The following ATP8A1 variants were observed in gnomAD, a reference collection of about 807,000 sequenced individuals.
ATP8A1 encodes ATPase phospholipid transporting 8A1, also known as phospholipid-transporting ATPase IA.
In ATP8A1, 90 loss-of-function variants were observed where a neutral mutation model predicts 177.7. That is an observed-to-expected ratio of 0.51 (90% CI 0.43 to 0.60). ATP8A1 has a LOEUF of 0.60. Among genes scored for constraint, ATP8A1 ranks in the 20% least tolerant of loss-of-function variants. The pLI is 0.00. For missense variants in ATP8A1, 1,072 were observed against 1,392.8 expected (o/e 0.77, Z 3.67); for synonymous variants, 493 against 485.9 (o/e 1.01, Z -0.19).
intron 1 of ATP8A1, among the ~76,000 whole-genome samples, chr4:42,640,559 C>T (rs1739870658): frequency 6.6e-6 from 1 of 152,184 alleles, no homozygotes; most frequent in African/African-American, 2.4e-5. Flanking sequence ...CCCTCAGCAT[C>T]TGGATTTCAA....
chr4:42,547,448 T>C (rs759566292), intron 19 of ATP8A1, among the ~76,000 whole-genome samples: 1 of 151,856 alleles, frequency 6.6e-6, no homozygotes, highest in Non-Finnish European at 1.5e-5. Context: ...ACCTTCATCA[T>C]TGAGTCCTGA....
chr4:42,577,815 GTGAT>G (rs537314726), intron 12 of ATP8A1, among the ~76,000 whole-genome samples: 91 of 152,236 alleles, frequency 6.0e-4, no homozygotes, highest in African/African-American at 1.8e-3. Context: ...TATTTGTATA[GTGAT>G]TGATTATTTT....
intron 25 of ATP8A1, among the ~76,000 whole-genome samples, chr4:42,482,205 G>A (rs1252616369): frequency 1.3e-5 from 2 of 151,582 alleles, no homozygotes; most frequent in African/African-American, 4.9e-5. Flanking sequence ...CGGGAGCTGA[G>A]GCACAAGAAT....
At chr4:42,537,139 A>C (rs1727916654) in intron 20 of ATP8A1, among the ~76,000 whole-genome samples, 1 of 144,172 alleles carries the variant, frequency 6.9e-6, no homozygotes, top group Non-Finnish European at 1.5e-5. Flanking sequence ...TCTCAAAAAA[A>C]AAAAAAACAA....
intron 33 of ATP8A1, among the ~76,000 whole-genome samples, chr4:42,437,770 A>T (rs1332017157): frequency 6.6e-6 from 1 of 152,202 alleles, no homozygotes; most frequent in African/African-American, 2.4e-5. Context: ...CCAAATGAGA[A>T]CACCCTGCCC....
At chr4:42,443,409 A>G (rs1222296287) in intron 33 of ATP8A1, among the ~76,000 whole-genome samples, 156 bp downstream of exon 33, 1 of 152,264 alleles carries the variant, frequency 6.6e-6, no homozygotes, top group East Asian at 1.9e-4. Context: ...AAGATTAATC[A>G]CTCGAAACTG....
chr4:42,527,535 C>T (rs1251729511), intron 20 of ATP8A1, among the ~76,000 whole-genome samples: 1 of 152,144 alleles, frequency 6.6e-6, no homozygotes, highest in Non-Finnish European at 1.5e-5. Context: ...GAGGTAACAA[C>T]GATGGCCTCC....
At chr4:42,420,914 G>A (rs1045907457) in intron 35 of ATP8A1, among the ~76,000 whole-genome samples, 3 of 151,848 alleles carry the variant, frequency 2.0e-5, no homozygotes, top group East Asian at 1.9e-4. Context: ...GACTACAGGC[G>A]CCCGCCACCA....
At chr4:42,422,316 T>A (rs1489828096) in intron 35 of ATP8A1, among the ~76,000 whole-genome samples, 2 of 152,132 alleles carry the variant, frequency 1.3e-5, no homozygotes, top group Non-Finnish European at 2.9e-5. Context: ...GGTCTCGAAC[T>A]CCTGACCTTG....
intron 27 of ATP8A1, among the ~76,000 whole-genome samples, chr4:42,461,742 G>A (rs1258480767): frequency 1.3e-5 from 2 of 152,194 alleles, no homozygotes; most frequent in African/African-American, 2.4e-5. Flanking sequence ...GTAACAGGCA[G>A]AGGTTGGAAG....
rs1475236229 is a variant in ATP8A1 at position 42,448,188 on chromosome 4, G to C, written c.2897-1544C>G. 3.3e-5 allele frequency among the ~76,000 whole-genome samples: 5 copies of C among 152,202 alleles called. No homozygotes were observed. The East Asian group carries it at 9.6e-4, about 29-fold the overall frequency. On this transcript the variant is annotated intron_variant, in intron 30 of 36. Coordinates refer to ENST00000381668, the MANE Select transcript of ATP8A1 (RefSeq NM_006095.2). Reference sequence around the variant, plus strand: ...AAAAATAAGTGAGAAAAATGGTATTGTTTGGGTTTTCACAATCTCTTATTT... The same window carrying C: ...AAAAATAAGTGAGAAAAATGGTATTCTTTGGGTTTTCACAATCTCTTATTT...
At chr4:42,414,008 C>G (rs150246363) in intron 36 of ATP8A1, among the ~76,000 whole-genome samples, 35 of 152,362 alleles carry the variant, frequency 2.3e-4, no homozygotes, top group African/African-American at 8.4e-4. Context: ...CCAAGGGGAT[C>G]ACATCTTTAG....
chr4:42,561,079 G>C (rs1730771277), intron 15 of ATP8A1, among the ~76,000 whole-genome samples: 1 of 152,008 alleles, frequency 6.6e-6, no homozygotes, highest in Non-Finnish European at 1.5e-5. Context: ...AGCGAATATA[G>C]CCATTTTATT....
intron 6 of ATP8A1, among the ~76,000 whole-genome samples, chr4:42,600,036 T>A (rs1469609072): frequency 6.6e-6 from 1 of 152,244 alleles, no homozygotes; most frequent in Non-Finnish European, 1.5e-5. Flanking sequence ...TAGAAGACAA[T>A]GTTTAATTTG....
At chr4:42,517,408 G>A (rs1353277342) in intron 22 of ATP8A1, among the ~76,000 whole-genome samples, 1 of 152,120 alleles carries the variant, frequency 6.6e-6, no homozygotes, top group African/African-American at 2.4e-5. Context: ...AAGAACGAGG[G>A]TGAGATAAAA....
intron 33 of ATP8A1, among the ~76,000 whole-genome samples, chr4:42,434,510 A>G (rs983730710): frequency 6.6e-6 from 1 of 152,238 alleles, no homozygotes; most frequent in Non-Finnish European, 1.5e-5. Context: ...TATGGCTTAC[A>G]TAGAAAAACT....
chr4:42,507,557 G>A (rs1223609319), intron 22 of ATP8A1, among the ~76,000 whole-genome samples: 4 of 151,348 alleles, frequency 2.6e-5, no homozygotes, highest in African/African-American at 2.4e-5. Flanking sequence ...GTGAAACCAC[G>A]TCTCCACTAA....
chr4:42,414,965 A>T, intron 35 of ATP8A1: 1 of 470,662 alleles, frequency 2.1e-6, no homozygotes, highest in Middle Eastern at 5.8e-4. Context: ...AAAAAGTAGG[A>T]TCTCCTCACC....
At chr4:42,437,448 C>T (rs1235976124) in intron 33 of ATP8A1, among the ~76,000 whole-genome samples, 1 of 152,144 alleles carries the variant, frequency 6.6e-6, no homozygotes, top group Non-Finnish European at 1.5e-5. Flanking sequence ...AAAAAGTTCT[C>T]CTCTTAAATC....
Sources: gnomAD v4.1 joint callset for allele counts (sites outside exome capture counted in the v4.1 genomes callset) on GRCh38, gnomAD v4.1.1 for gene constraint, MANE v1.5 for transcripts, NCBI Gene and HGNC (gene_info 2026-07-23, HGNC 2026-07-21) for gene names.